SEMA5B: variants seen among roughly 807,000 people sequenced by gnomAD.
SEMA5B encodes the protein semaphorin 5B.
A neutral mutation model predicts 135.0 loss-of-function variants in SEMA5B; 66 were observed. That is an observed-to-expected ratio of 0.49 (90% CI 0.40 to 0.60). The LOEUF is 0.60. Among genes scored for constraint, SEMA5B ranks in the 20% least tolerant of loss-of-function variants. The probability of loss-of-function intolerance (pLI) is 0.00; values close to 1 mark genes in which losing one functional copy is unlikely to be tolerated. For synonymous variants in SEMA5B, 690 were observed against 639.5 expected (o/e 1.08, Z -1.19); for missense variants, 1,501 against 1,566.3 (o/e 0.96, Z 0.70).
intron 1 of SEMA5B, among the ~76,000 whole-genome samples, chr3:122,988,802 A>C (rs925322397): frequency 1.3e-5 from 2 of 152,250 alleles, no homozygotes; most frequent in African/African-American, 4.8e-5. Flanking sequence ...ACCACACCTC[A>C]ATCAGCCTTG....
intron 3 of SEMA5B, among the ~76,000 whole-genome samples, chr3:122,947,541 A>G (rs1023698816): frequency 6.6e-6 from 1 of 152,220 alleles, no homozygotes; most frequent in Non-Finnish European, 1.5e-5. Flanking sequence ...AGCATAGAGC[A>G]ACGGATCGCT....
chr3:122,944,724 T>C (rs1299934668), intron 3 of SEMA5B, among the ~76,000 whole-genome samples: 1 of 152,094 alleles, frequency 6.6e-6, no homozygotes, highest in Non-Finnish European at 1.5e-5. Context: ...TGGGAGGGCC[T>C]GCTTAGAAAG....
intron 5 of SEMA5B, among the ~76,000 whole-genome samples, chr3:122,929,406 C>T (rs1000104059): frequency 6.6e-6 from 1 of 152,226 alleles, no homozygotes; most frequent in East Asian, 1.9e-4. Context: ...CCTTCAATCC[C>T]ACCCCAGGCC....
At chr3:123,015,416 A>G (rs1251854716) in intron 1 of SEMA5B, among the ~76,000 whole-genome samples, 1 of 152,228 alleles carries the variant, frequency 6.6e-6, no homozygotes, top group Non-Finnish European at 1.5e-5. Context: ...GAGATGCACT[A>G]GCTAAGCATA....
At chr3:122,985,732 T>C (rs1941677517) in intron 1 of SEMA5B, among the ~76,000 whole-genome samples, 1 of 152,110 alleles carries the variant, frequency 6.6e-6, no homozygotes, top group Admixed American at 6.5e-5. Flanking sequence ...CGGAGAAAGC[T>C]AGGGGATCTC....
chr3:122,936,327 G>A (rs998613588), intron 5 of SEMA5B, among the ~76,000 whole-genome samples: 1 of 152,188 alleles, frequency 6.6e-6, no homozygotes, highest in Non-Finnish European at 1.5e-5. Context: ...ATGGCTGAAT[G>A]TCAACGCATC....
At chr3:122,926,340 C>T in intron 9 of SEMA5B, 52 bp downstream of exon 9, 2 of 1,548,140 alleles carry the variant, frequency 1.3e-6, no homozygotes, top group South Asian at 1.2e-5. Flanking sequence ...GCCATGAGGC[C>T]AGGCCAGCTC....
At chr3:123,010,271 G>T (rs930294593) in intron 1 of SEMA5B, among the ~76,000 whole-genome samples, 1 of 152,118 alleles carries the variant, frequency 6.6e-6, no homozygotes, top group Non-Finnish European at 1.5e-5. Flanking sequence ...GGAAGACAAG[G>T]GTTTAAAATT....
chr3:122,961,106 C>A (rs758659825), intron 2 of SEMA5B, 34 bp downstream of exon 2: 1 of 1,572,542 alleles, frequency 6.4e-7, no homozygotes, highest in South Asian at 1.2e-5. Context: ...CTGGTACCTG[C>A]TGCAGCCCCC....
chr3:122,932,789 C>T (rs953563534), intron 5 of SEMA5B, among the ~76,000 whole-genome samples: 7 of 152,128 alleles, frequency 4.6e-5, no homozygotes, highest in Non-Finnish European at 4.4e-5. Context: ...TTAACCTTCA[C>T]CTTCCCTTCA....
At chr3:122,914,962 G>A (rs62261716) in intron 14 of SEMA5B, among the ~76,000 whole-genome samples, 19,812 of 149,562 alleles carry the variant, frequency 0.13, 1,913 homozygotes, top group Non-Finnish European at 0.21. Context: ...CACTGTGCAA[G>A]CTCTGTATAT....
intron 5 of SEMA5B, among the ~76,000 whole-genome samples, chr3:122,931,117 T>C (rs902240117): frequency 6.6e-6 from 1 of 152,220 alleles, no homozygotes; most frequent in Non-Finnish European, 1.5e-5. Flanking sequence ...AGTATTAAAA[T>C]GTATTAATTA....
intron 12 of SEMA5B, among the ~76,000 whole-genome samples, chr3:122,917,126 G>T (rs1209172839): frequency 1.3e-5 from 2 of 152,216 alleles, no homozygotes; most frequent in Non-Finnish European, 2.9e-5. Context: ...GCCAGAAGGA[G>T]GGTCCCTCCA....
intron 1 of SEMA5B, among the ~76,000 whole-genome samples, chr3:123,026,938 C>CCGGGCGGCGGCTCCG (rs1322774156): frequency 6.6e-6 from 1 of 152,198 alleles, no homozygotes; most frequent in Non-Finnish European, 1.5e-5. Flanking sequence ...TGGGAAGAAT[C>CCGGGCGGCGGCTCCG]CGGGCGGCGG....
At chr3:122,966,062 A>G (rs1421087220) in intron 1 of SEMA5B, among the ~76,000 whole-genome samples, 1 of 152,160 alleles carries the variant, frequency 6.6e-6, no homozygotes, top group Admixed American at 6.5e-5. Context: ...AATCTCTCTG[A>G]TTCCAGACCC....
intron 1 of SEMA5B, chr3:122,975,926 G>A: frequency 1.3e-6 from 2 of 1,512,640 alleles, no homozygotes; most frequent in Admixed American, 2.0e-5. Flanking sequence ...CCCCCTCTCT[G>A]GCCATTCCCC....
intron 1 of SEMA5B, among the ~76,000 whole-genome samples, chr3:123,002,905 A>G (rs1942216282): frequency 6.6e-6 from 1 of 152,182 alleles, no homozygotes; most frequent in Admixed American, 6.5e-5. Context: ...GGACATACTT[A>G]TTTCCGGAGA....
chr3:122,999,435 G>A (rs1446687597), intron 1 of SEMA5B, among the ~76,000 whole-genome samples: 1 of 152,006 alleles, frequency 6.6e-6, no homozygotes, highest in Non-Finnish European at 1.5e-5. Context: ...ATGCTGGCCA[G>A]GCTGGTCTCA....
chr3:122,923,039 G>C (rs943085905), intron 10 of SEMA5B, among the ~76,000 whole-genome samples: 3 of 152,180 alleles, frequency 2.0e-5, no homozygotes, highest in African/African-American at 7.2e-5. Context: ...TAGATGGTAG[G>C]ACTGCAAAGC....
Sources: gnomAD v4.1 joint callset for allele counts (sites outside exome capture counted in the v4.1 genomes callset) on GRCh38, gnomAD v4.1.1 for gene constraint, MANE v1.5 for transcripts, NCBI Gene and HGNC (gene_info 2026-07-23, HGNC 2026-07-21) for gene names.